The following SYNE1 variants were observed in gnomAD, a reference collection of about 807,000 sequenced individuals.
SYNE1 encodes the protein spectrin repeat containing nuclear envelope protein 1, also known as nesprin-1.
In SYNE1, 616 loss-of-function variants were observed where a neutral mutation model predicts 1,111.0. The ratio of observed to expected loss-of-function variants is 0.55; its 90% CI spans 0.52 to 0.59. The LOEUF (loss-of-function observed/expected upper bound fraction) is 0.59. Ranked by LOEUF, SYNE1 falls within the 20% of genes least tolerant of loss-of-function variation. The pLI is 0.00. For missense variants in SYNE1, 10,006 were observed against 10,417.0 expected (o/e 0.96, Z 1.72); for synonymous variants, 3,855 against 3,825.8 (o/e 1.01, Z -0.28).
intron 21 of SYNE1, among the ~76,000 whole-genome samples, chr6:152,459,773 G>C (rs559098500): frequency 6.6e-6 from 1 of 152,224 alleles, no homozygotes; most frequent in South Asian, 2.1e-4. Flanking sequence ...GCCATTCTTT[G>C]TTTTTCATAT....
chr6:152,574,013 C>A (rs376140821), intron 3 of SYNE1, among the ~76,000 whole-genome samples: 21 of 152,114 alleles, frequency 1.4e-4, no homozygotes, highest in African/African-American at 4.8e-4. Flanking sequence ...AGCTCTGAGT[C>A]ATCTCTTTAT....
intron 115 of SYNE1, among the ~76,000 whole-genome samples, chr6:152,229,326 A>C (rs918873978): frequency 2.0e-5 from 3 of 152,206 alleles, no homozygotes; most frequent in Non-Finnish European, 4.4e-5. Context: ...TATTAACTGC[A>C]ATAGCTCACT....
At chr6:152,170,331 G>A (rs2064875523) in intron 130 of SYNE1, among the ~76,000 whole-genome samples, 1 of 152,162 alleles carries the variant, frequency 6.6e-6, no homozygotes, top group African/African-American at 2.4e-5. Flanking sequence ...GAATGAGACT[G>A]GCATAGACAT....
intron 41 of SYNE1, among the ~76,000 whole-genome samples, chr6:152,413,742 A>G (rs922211174): frequency 6.6e-6 from 1 of 152,184 alleles, no homozygotes; most frequent in African/African-American, 2.4e-5. Context: ...GAAAACATTG[A>G]AAGTCATTCT....
At position 152,391,135 on chromosome 6, in the gene SYNE1, C is replaced by T. The variant is rs76644545; in HGVS notation, c.8004+142G>A. The T allele has an allele frequency of 2.8e-3, 3,338 of 1,199,138 alleles. 63 individuals carry two copies. The African/African-American group carries it at 0.043, about 16-fold the overall frequency. 74.3% of individuals were successfully genotyped at this position (1,199,138 alleles called of 1,614,324 possible). A position where few individuals can be genotyped will look rare whatever the true frequency, so the allele number is the denominator to read the frequency against. ...AGGGGAAAAATGATGCCTCTGTATCCTTTTTTGCCCAATTTCTCCATTTTG... is the reference window on the plus strand; with the variant it reads ...AGGGGAAAAATGATGCCTCTGTATCTTTTTTTGCCCAATTTCTCCATTTTG... On this transcript the variant is annotated intron_variant, in intron 52 of 145. Coordinates refer to ENST00000367255, the MANE Select transcript of SYNE1 (RefSeq NM_182961.4).
chr6:152,521,016 A>T (rs1307246954), intron 5 of SYNE1, among the ~76,000 whole-genome samples: 1 of 152,158 alleles, frequency 6.6e-6, no homozygotes, highest in African/African-American at 2.4e-5. Context: ...CTCCTATCTG[A>T]CTACATTGAG....
chr6:152,141,836 G>A (rs1293418109), intron 138 of SYNE1, among the ~76,000 whole-genome samples: 1 of 152,128 alleles, frequency 6.6e-6, no homozygotes, highest in Non-Finnish European at 1.5e-5. Flanking sequence ...TTTGGGGGCC[G>A]AGGTGGGAGG....
In SYNE1 at chr6:152,180,228, T is replaced by C. The variant is rs1563264362; in HGVS notation, c.23368A>G (p.Lys7790Glu). ...TGAGTCAACCACTCACAGAGTTCCT[T>C]GTTCTTTTCACTGAAGACTGCCCAT... ...NEWAVFSEKN[K>E]ELCEWLTQME... Residue 7790 changes from lysine (K) to glutamate (E), a missense_variant, in exon 129 of 146, where the codon AAG (lysine) becomes GAG (glutamate). Lys to Glu is a moderately conservative substitution (Grantham distance 56). Transcript: ENST00000367255. The C allele has an allele frequency of 2.5e-6, 4 of 1,614,146 alleles. No homozygotes were observed. Among genetic ancestry groups the C allele is most frequent in the Non-Finnish European group, 2.5e-6 (3 of 1,180,002 alleles).
intron 117 of SYNE1, among the ~76,000 whole-genome samples, chr6:152,222,865 T>C (rs1402220002): frequency 2.0e-5 from 3 of 152,232 alleles, no homozygotes; most frequent in Non-Finnish European, 2.9e-5. Context: ...ATGTCAAGAT[T>C]GCTTAAAGCA....
At chr6:152,392,018 A>T (rs1420064095) in intron 51 of SYNE1, among the ~76,000 whole-genome samples, 1 of 152,072 alleles carries the variant, frequency 6.6e-6, no homozygotes, top group East Asian at 1.9e-4. Flanking sequence ...TCTGCTCAGC[A>T]CTGTTGCATT....
At position 152,511,478 on chromosome 6, in the gene SYNE1, C is replaced by G. The variant is rs1275553287; in HGVS notation, c.310-375G>C. The G allele has an allele frequency of 9.5e-6, 11 of 1,159,536 alleles. No homozygotes were observed. In the East Asian group the frequency reaches 2.6e-4, roughly 27 times the overall value. The allele number at this position is 1,159,536 out of a possible 1,614,324, so 71.8% of individuals were successfully genotyped here. On this transcript the variant is annotated intron_variant, in intron 6 of 145. Coordinates refer to ENST00000367255, the MANE Select transcript of SYNE1 (RefSeq NM_182961.4). ...GCAATGAGAAGTTTAAGAAGATGCACTTACTTTGAAGTTTGTTACCAAATA... is the reference window on the plus strand; with the variant it reads ...GCAATGAGAAGTTTAAGAAGATGCAGTTACTTTGAAGTTTGTTACCAAATA...
At chr6:152,469,426 T>C (rs2098792274) in intron 16 of SYNE1, among the ~76,000 whole-genome samples, 1 of 152,082 alleles carries the variant, frequency 6.6e-6, no homozygotes, top group African/African-American at 2.4e-5. Flanking sequence ...AGCTAAACCA[T>C]GACCAAACAC....
At chr6:152,450,982 G>C in intron 26 of SYNE1, 65 bp downstream of exon 26, 1 of 1,610,190 alleles carries the variant, frequency 6.2e-7, no homozygotes, top group Non-Finnish European at 8.5e-7. Context: ...CAAAATATTA[G>C]TAATATCCTT....
In SYNE1 at chr6:152,550,494, G is replaced by A. The variant is rs145555147; in HGVS notation, c.68-10473C>T. The stretch of plus-strand genomic sequence containing the variant: ...AGAAAATGTGCTAGGCACTGGGTTG[G>A]CTTCTAGGGTGACAACAATGTGGAA... On this transcript the variant is annotated intron_variant, in intron 3 of 145. Transcript: ENST00000367255. Among the ~76,000 whole-genome samples the A allele has an allele frequency of 5.2e-3, 788 of 151,448 alleles. 7 individuals carry two copies. The highest frequency in any genetic ancestry group is 0.018 in the African/African-American group (739 of 41,226).
In SYNE1 at chr6:152,318,983, GC is replaced by G; in HGVS notation, c.16268del (p.Ser5423ThrfsTer15). ...GGCTGAGTTCCTGGCTCGTGGCCTT[GC>G]TCTGCTCAACTTCTTTTATTTTGTC... ...IQDKIKEVEQ[S>X]KATSQELSRQ... On this transcript the variant is annotated frameshift_variant, in exon 85 of 146. Transcript: ENST00000367255. LOFTEE classifies it high-confidence loss of function. The G allele has an allele frequency of 6.2e-7, 1 of 1,614,118 alleles. No individual in the cohort carries two copies. Among genetic ancestry groups the G allele is most frequent in the Non-Finnish European group, 8.5e-7 (1 of 1,180,022 alleles).
At chr6:152,248,079 C>T (rs2087952695) in intron 105 of SYNE1, among the ~76,000 whole-genome samples, 1 of 152,148 alleles carries the variant, frequency 6.6e-6, no homozygotes, top group East Asian at 1.9e-4. Context: ...TTTGGGTTCT[C>T]ATTCTTTCTC....
chr6:152,385,765 T>A lies in SYNE1; in HGVS notation c.8561A>T (p.Asp2854Val). ...TTCTTCCTTTGCTGAATGGAGCCAA[T>A]CTGTGAACTCGTGGACCGCATCTAA... The part of the protein sequence containing the change: ...MYLDAVHEFT[D>V]WLHSAKEELH... Residue 2854 changes from aspartate (D) to valine (V), a missense_variant, in exon 55 of 146, where the codon GAT (aspartate) becomes GTT (valine). Physicochemically the swap from Asp to Val is radical, Grantham distance 152. Around this residue, in one of 7 missense-constraint regions of SYNE1, gnomAD observed 4,955 missense variants for 5,017.2 expected, o/e 0.99. Transcript: ENST00000367255. The A allele has an allele frequency of 6.2e-7, 1 of 1,614,140 alleles. No homozygotes were observed.
intron 75 of SYNE1, among the ~76,000 whole-genome samples, chr6:152,338,709 C>T (rs1307761212): frequency 3.3e-5 from 5 of 152,142 alleles, no homozygotes; most frequent in East Asian, 1.9e-4. Flanking sequence ...CGGGAAAATA[C>T]GCCTCCAGTG....
intron 98 of SYNE1, among the ~76,000 whole-genome samples, chr6:152,270,631 C>T (rs1313452201): frequency 6.6e-6 from 1 of 152,184 alleles, no homozygotes; most frequent in African/African-American, 2.4e-5. Context: ...ATTATAATTT[C>T]AATATAACTC....
Sources: allele counts gnomAD v4.1 joint callset (sites outside exome capture counted in the v4.1 genomes callset), GRCh38; gene constraint gnomAD v4.1.1; regional missense constraint gnomAD v4.1.1; transcripts MANE v1.5; gene names NCBI Gene and HGNC (gene_info 2026-07-23, HGNC 2026-07-21).